The following DLGAP2 variants were observed in gnomAD, a reference collection of about 807,000 sequenced individuals.
The protein encoded by DLGAP2 is DLG associated protein 2.
In DLGAP2, 26 loss-of-function variants were observed where a neutral mutation model predicts 100.3. That is an observed-to-expected ratio of 0.26 (90% confidence interval 0.19 to 0.36). DLGAP2 has a LOEUF of 0.36. DLGAP2 is among the 10% of genes least tolerant of loss of function. The pLI is 1.00. For missense variants in DLGAP2, 1,858 were observed against 1,453.2 expected (o/e 1.28, Z -4.53); for synonymous variants, 886 against 630.1 (o/e 1.41, Z -6.08).
chr8:1,640,026 G>A (rs1797859438), intron 8 of DLGAP2, among the ~76,000 whole-genome samples: 1 of 152,226 alleles, frequency 6.6e-6, no homozygotes, highest in Admixed American at 6.5e-5. Context: ...GACATTTTTG[G>A]AGGGGCGTTA....
At chr8:963,526 A>G (rs1563116462) in intron 2 of DLGAP2, among the ~76,000 whole-genome samples, 1 of 152,234 alleles carries the variant, frequency 6.6e-6, no homozygotes, top group African/African-American at 2.4e-5. Flanking sequence ...ATGGATGACT[A>G]TTAAAGTAAG....
chr8:1,416,370 G>A lies in DLGAP2; in HGVS notation c.107-84996G>A, dbSNP rs147315140. Among the ~76,000 whole-genome samples the A allele has an allele frequency of 4.7e-4, 71 of 152,300 alleles. 1 individual carries two copies. The highest frequency in any genetic ancestry group is 1.7e-3 in the African/African-American group (71 of 41,570). ...TTTCAGACGTGCCTGGTCACTTGAGGGAGGTTCAAACCTCTGCAGTGCAGC... is the reference window on the plus strand; with the variant it reads ...TTTCAGACGTGCCTGGTCACTTGAGAGAGGTTCAAACCTCTGCAGTGCAGC... On this transcript the variant is annotated intron_variant, in intron 3 of 14. Transcript: ENST00000637795.
At chr8:1,656,578 T>G (rs1169451492) in intron 8 of DLGAP2, among the ~76,000 whole-genome samples, 1 of 152,192 alleles carries the variant, frequency 6.6e-6, no homozygotes, top group African/African-American at 2.4e-5. Context: ...TGAGGTGGGC[T>G]CAATTCCAGA....
At chr8:1,176,829 C>G (rs541167671) in intron 2 of DLGAP2, among the ~76,000 whole-genome samples, 96 of 152,268 alleles carry the variant, frequency 6.3e-4, no homozygotes, top group African/African-American at 2.2e-3. Context: ...TCTCAACACA[C>G]CCTCTGGCTT....
rs567610987 is a variant in DLGAP2, at chr8:862,199, G to T, written c.19-45713G>T. Reference sequence around the variant, plus strand: ...CGTCCAGAACAAAAATAATCCACGGGCTGAGTCGCACCCAGATTCCCACGT... The same window carrying T: ...CGTCCAGAACAAAAATAATCCACGGTCTGAGTCGCACCCAGATTCCCACGT... On this transcript the variant is annotated intron_variant, in intron 1 of 14. Transcript: ENST00000637795. Among the ~76,000 whole-genome samples the T allele has an allele frequency of 7.6e-4, 116 of 152,228 alleles. 1 individual carries two copies. The highest frequency in any genetic ancestry group is 2.8e-3 in the African/African-American group (115 of 41,544).
intron 3 of DLGAP2, among the ~76,000 whole-genome samples, chr8:1,364,459 G>C (rs892580686): frequency 1.4e-5 from 2 of 146,776 alleles, no homozygotes; most frequent in Non-Finnish European, 3.0e-5. Flanking sequence ...CTGGTGAAAG[G>C]GCACCGCTGC....
chr8:1,112,754 G>A (rs563830375), intron 2 of DLGAP2, among the ~76,000 whole-genome samples: 164 of 152,274 alleles, frequency 1.1e-3, no homozygotes, highest in Non-Finnish European at 2.1e-3. Context: ...CCCTTTTGTT[G>A]CAGAAATTGC....
intron 1 of DLGAP2, among the ~76,000 whole-genome samples, chr8:893,778 C>G (rs1563083234): frequency 6.6e-6 from 1 of 152,250 alleles, no homozygotes; most frequent in African/African-American, 2.4e-5. Flanking sequence ...GTCCTAGGCT[C>G]TGGACATGGG....
chr8:1,689,282 T>C (rs1354968524), intron 12 of DLGAP2, among the ~76,000 whole-genome samples: 1 of 152,076 alleles, frequency 6.6e-6, no homozygotes, highest in Non-Finnish European at 1.5e-5. Flanking sequence ...AGTCAGGCCA[T>C]GCCCGGCACA....
rs1171376472 is a variant in DLGAP2, at chr8:886,804, A to C, written c.19-21108A>C. ...TACTTCCAATTACGTGGCTGATTTC[A>C]TAATAGTTGCCATGTGGCACTGAGA... is the stretch of plus-strand genomic sequence containing the variant. On this transcript the variant is annotated intron_variant, in intron 1 of 14. Coordinates refer to ENST00000637795, the MANE Select transcript of DLGAP2 (RefSeq NM_001346810.2). Among the ~76,000 whole-genome samples the C allele has an allele frequency of 2.4e-4, 37 of 152,208 alleles. 1 individual carries two copies. Among genetic ancestry groups the C allele is most frequent in the Non-Finnish European group, 1.5e-5 (1 of 68,028 alleles).
intron 2 of DLGAP2, among the ~76,000 whole-genome samples, chr8:1,090,646 G>T (rs1357374517): frequency 1.3e-5 from 2 of 152,246 alleles, no homozygotes; most frequent in East Asian, 3.9e-4. Context: ...GCCCTGAGGG[G>T]CCTCCAGAGG....
chr8:1,076,314 C>T (rs1173520581), intron 2 of DLGAP2, among the ~76,000 whole-genome samples: 1 of 152,254 alleles, frequency 6.6e-6, no homozygotes, highest in African/African-American at 2.4e-5. Context: ...GCTCACACGG[C>T]ACTGACACAG....
chr8:820,782 G>A (rs979221416), intron 1 of DLGAP2, among the ~76,000 whole-genome samples: 1 of 152,164 alleles, frequency 6.6e-6, no homozygotes, highest in Non-Finnish European at 1.5e-5. Context: ...AGAATTCTTA[G>A]GAAATGGGAA....
chr8:1,031,498 A>G (rs904904443), intron 2 of DLGAP2, among the ~76,000 whole-genome samples: 4 of 151,840 alleles, frequency 2.6e-5, no homozygotes, highest in Admixed American at 2.0e-4. Flanking sequence ...TACAGCCTCA[A>G]CCTCCCGGGC....
chr8:1,037,901 C>T (rs1802181863), intron 2 of DLGAP2, among the ~76,000 whole-genome samples: 1 of 152,130 alleles, frequency 6.6e-6, no homozygotes, highest in Admixed American at 6.5e-5. Context: ...TGGTGTGAGC[C>T]CGAGAATTTG....
intron 5 of DLGAP2, among the ~76,000 whole-genome samples, chr8:1,563,146 G>T (rs1802242518): frequency 1.4e-5 from 1 of 72,308 alleles, no homozygotes. Context: ...ACTGTGTGGT[G>T]TTGGGGTGTC....
chr8:793,011 T>G (rs1016597612), intron 1 of DLGAP2, among the ~76,000 whole-genome samples: 5 of 152,258 alleles, frequency 3.3e-5, no homozygotes, highest in Non-Finnish European at 5.9e-5. Context: ...AGCTTTAGTT[T>G]CAGAAGATTA....
chr8:967,593 AT>A (rs1301479281), intron 2 of DLGAP2, among the ~76,000 whole-genome samples: 1 of 150,918 alleles, frequency 6.6e-6, no homozygotes, highest in Non-Finnish European at 1.5e-5. Context: ...ATGCATGGCT[AT>A]TTCAACATTT....
At chr8:1,424,129 C>T (rs2129948157) in intron 3 of DLGAP2, among the ~76,000 whole-genome samples, 1 of 152,338 alleles carries the variant, frequency 6.6e-6, no homozygotes, top group African/African-American at 2.4e-5. Context: ...GCGGGCTCCA[C>T]ATGGGTGAAG....
Sources: gnomAD v4.1 joint callset for allele counts (sites outside exome capture counted in the v4.1 genomes callset) on GRCh38, gnomAD v4.1.1 for gene constraint, MANE v1.5 for transcripts, NCBI Gene and HGNC (gene_info 2026-07-23, HGNC 2026-07-21) for gene names.